NRG3: variants seen among roughly 807,000 people sequenced by gnomAD.
The protein encoded by NRG3 is pro-neuregulin-3, membrane-bound isoform.
NRG3 carries 31 observed loss-of-function variants against 66.9 expected under a neutral mutation model. The observed-to-expected ratio is 0.46, with a 90% CI of 0.35 to 0.63. The LOEUF is 0.63. NRG3 is among the 20% of genes least tolerant of loss of function. NRG3 has a pLI of 0.00. For missense variants in NRG3, 910 were observed against 878.9 expected (o/e 1.04, Z -0.45); for synonymous variants, 393 against 359.4 (o/e 1.09, Z -1.06).
chr10:82,149,626 G>A (rs760854722), intron 1 of NRG3, among the ~76,000 whole-genome samples: 1 of 151,698 alleles, frequency 6.6e-6, no homozygotes, highest in South Asian at 2.1e-4. Context: ...ATAGAAATGT[G>A]TGGCATGGGA....
intron 1 of NRG3, among the ~76,000 whole-genome samples, chr10:82,293,685 C>T (rs2079874542): frequency 6.6e-6 from 1 of 151,956 alleles, no homozygotes; most frequent in Non-Finnish European, 1.5e-5. Flanking sequence ...CCCATCTTAC[C>T]TTTAATTAAT....
intron 2 of NRG3, among the ~76,000 whole-genome samples, chr10:82,735,291 G>C (rs1357432056): frequency 2.0e-5 from 3 of 152,032 alleles, no homozygotes; most frequent in Admixed American, 2.0e-4. Context: ...TCCTTGTTTT[G>C]TAAAACAACT....
intron 1 of NRG3, among the ~76,000 whole-genome samples, chr10:82,193,774 C>G (rs10884328): frequency 6.6e-6 from 1 of 152,034 alleles, no homozygotes; most frequent in Non-Finnish European, 1.5e-5. Flanking sequence ...AAAGCTTGTT[C>G]CATTTGAAAT....
At chr10:81,884,632 A>C (rs984759706) in intron 1 of NRG3, among the ~76,000 whole-genome samples, 4 of 152,176 alleles carry the variant, frequency 2.6e-5, no homozygotes, top group African/African-American at 9.7e-5. Flanking sequence ...TAAGTTCTCT[A>C]GTGATGACTG....
chr10:82,098,671 G>T (rs1340751694), intron 1 of NRG3, among the ~76,000 whole-genome samples: 1 of 152,168 alleles, frequency 6.6e-6, no homozygotes, highest in African/African-American at 2.4e-5. Flanking sequence ...ATATATTCTG[G>T]ATATGGTTCT....
intron 1 of NRG3, among the ~76,000 whole-genome samples, chr10:82,064,213 C>T (rs2133261752): frequency 6.6e-6 from 1 of 152,234 alleles, no homozygotes; most frequent in Admixed American, 6.5e-5. Context: ...TCCTGCATAG[C>T]TTATAGTCCT....
intron 1 of NRG3, among the ~76,000 whole-genome samples, chr10:81,961,376 C>T (rs1441188219): frequency 1.3e-5 from 2 of 152,172 alleles, no homozygotes; most frequent in Non-Finnish European, 2.9e-5. Context: ...ACATTGTAGA[C>T]ACCTTGAGGA....
At chr10:82,935,376 T>A (rs1481675450) in intron 4 of NRG3, among the ~76,000 whole-genome samples, 1 of 152,234 alleles carries the variant, frequency 6.6e-6, no homozygotes, top group Admixed American at 6.5e-5. Context: ...ATTTAAAATG[T>A]ACTTACCACA....
chr10:82,236,849 G>A (rs1336322372), intron 1 of NRG3, among the ~76,000 whole-genome samples: 1 of 150,860 alleles, frequency 6.6e-6, no homozygotes, highest in Non-Finnish European at 1.5e-5. Flanking sequence ...CTGAGTAGCT[G>A]GGACTACAGA....
At chr10:82,936,396 A>G (rs1848068049) in intron 4 of NRG3, among the ~76,000 whole-genome samples, 1 of 152,198 alleles carries the variant, frequency 6.6e-6, no homozygotes, top group Non-Finnish European at 1.5e-5. Flanking sequence ...AATCTAAAAA[A>G]AGCTGTTCTC....
chr10:82,908,509 GGCTGCAAAT>G (rs1232629599), intron 4 of NRG3, among the ~76,000 whole-genome samples: 21 of 152,284 alleles, frequency 1.4e-4, no homozygotes, highest in African/African-American at 4.8e-4. Flanking sequence ...GGTGATTTAT[GGCTGCAAAT>G]TATCATGTTG....
At chr10:82,603,714 T>C (rs990454929) in intron 2 of NRG3, among the ~76,000 whole-genome samples, 2 of 151,876 alleles carry the variant, frequency 1.3e-5, no homozygotes, top group African/African-American at 2.4e-5. Context: ...ATAATATATT[T>C]ACTTGTTATT....
chr10:82,346,682 A>G (rs2083046108), intron 1 of NRG3, among the ~76,000 whole-genome samples: 1 of 150,768 alleles, frequency 6.6e-6, no homozygotes, highest in Non-Finnish European at 1.5e-5. Flanking sequence ...TCGGCTGTGA[A>G]TCCATCTGGT....
At chr10:82,949,314 A>G (rs1849302427) in intron 4 of NRG3, among the ~76,000 whole-genome samples, 1 of 151,916 alleles carries the variant, frequency 6.6e-6, no homozygotes, top group Admixed American at 6.6e-5. Context: ...ATCTGTGGCA[A>G]TGAGGGCTAT....
At chr10:82,601,848 T>TAA (rs1202584057) in intron 2 of NRG3, among the ~76,000 whole-genome samples, 1 of 139,944 alleles carries the variant, frequency 7.1e-6, no homozygotes, top group Non-Finnish European at 1.5e-5. Context: ...CCATCTCTGC[T>TAA]AAAAAAAAAA....
intron 1 of NRG3, among the ~76,000 whole-genome samples, chr10:82,220,573 T>C (rs2075893971): frequency 6.6e-6 from 1 of 152,114 alleles, no homozygotes; most frequent in African/African-American, 2.4e-5. Context: ...TTGAGGAGAA[T>C]CTGGAGGGCT....
chr10:82,261,890 CG>C (rs1428311100), intron 1 of NRG3, among the ~76,000 whole-genome samples: 5 of 152,160 alleles, frequency 3.3e-5, no homozygotes, highest in African/African-American at 4.8e-5. Flanking sequence ...GAACATGTCA[CG>C]GTGCTGCTGA....
chr10:82,904,430 T>C (rs1204520705), intron 4 of NRG3, among the ~76,000 whole-genome samples: 1 of 152,134 alleles, frequency 6.6e-6, no homozygotes, highest in Non-Finnish European at 1.5e-5. Flanking sequence ...CTCCTTAAAA[T>C]GAGACATGGA....
intron 6 of NRG3, among the ~76,000 whole-genome samples, chr10:82,960,930 T>A (rs1017821402): frequency 5.3e-5 from 8 of 152,164 alleles, no homozygotes; most frequent in African/African-American, 1.9e-4. Context: ...TCAGACCGCC[T>A]GCACCCAGGT....
Sources: allele counts gnomAD v4.1 joint callset (sites outside exome capture counted in the v4.1 genomes callset), GRCh38; gene constraint gnomAD v4.1.1; transcripts MANE v1.5; gene names NCBI Gene and HGNC (gene_info 2026-07-23, HGNC 2026-07-21).